CLIP4: variants seen among roughly 807,000 people sequenced by gnomAD.
CLIP4 encodes the protein CAP-Gly domain-containing linker protein 4.
In CLIP4, 47 loss-of-function variants were observed where a neutral mutation model predicts 73.1. That is an observed-to-expected ratio of 0.64 (90% CI 0.51 to 0.82). The LOEUF is 0.82. CLIP4 is among the 40% of genes least tolerant of loss of function. CLIP4 has a pLI of 0.00. For missense variants in CLIP4, 874 were observed against 852.9 expected, an observed-to-expected ratio of 1.02 and a Z score of -0.31; for synonymous variants, 306 against 295.4, an observed-to-expected ratio of 1.04 and a Z score of -0.37.
intron 5 of CLIP4, 87 bp downstream of exon 5, chr2:29,133,903 T>G: frequency 8.3e-7 from 1 of 1,203,728 alleles, no homozygotes; most frequent in South Asian, 1.7e-5. Context: ...TATTTTTTCC[T>G]TCTAATCCAT....
chr2:29,114,751 A>AGC (rs1668480894), upstream of CLIP4: 2 of 152,340 alleles, frequency 1.3e-5, no homozygotes, highest in Admixed American at 6.5e-5. Flanking sequence ...ACAGAAGTAC[A>AGC]GCCTCTATGA....
chr2:29,159,093 T>G (rs1350043967), intron 11 of CLIP4, among the ~76,000 whole-genome samples: 13 of 152,230 alleles, frequency 8.5e-5, no homozygotes, highest in Non-Finnish European at 1.9e-4. Flanking sequence ...AGTTTGTATC[T>G]TATTTTTCAG....
intron 13 of CLIP4, among the ~76,000 whole-genome samples, chr2:29,166,254 G>A (rs985058671): frequency 6.6e-6 from 1 of 152,040 alleles, no homozygotes; most frequent in Admixed American, 6.6e-5. Flanking sequence ...GTCTTAATAA[G>A]GTAGTGTCCA....
upstream of CLIP4, among the ~76,000 whole-genome samples, chr2:29,113,464 C>G (rs775567758): frequency 1.3e-5 from 2 of 152,164 alleles, no homozygotes; most frequent in African/African-American, 4.8e-5. The surrounding 1 kb of genome is among the most constrained non-coding windows in gnomAD (Gnocchi z 4.0). Context: ...TTGTATGTCA[C>G]GAGGTATTCT....
At chr2:29,165,457 C>G (rs541048067) in intron 13 of CLIP4, among the ~76,000 whole-genome samples, 1 of 152,134 alleles carries the variant, frequency 6.6e-6, no homozygotes, top group East Asian at 1.9e-4. Flanking sequence ...TGCTGTGCTC[C>G]CAGCTGGGGA....
intron 8 of CLIP4, 98 bp downstream of exon 8, chr2:29,145,465 ATGTG>A: frequency 1.0e-6 from 1 of 982,894 alleles, no homozygotes; most frequent in South Asian, 2.0e-5. Context: ...CTGATTTCTT[ATGTG>A]ATAAATGAGG....
intron 1 of CLIP4, among the ~76,000 whole-genome samples, chr2:29,119,538 T>C (rs542470688): frequency 2.6e-5 from 4 of 152,210 alleles, no homozygotes; most frequent in African/African-American, 9.6e-5. Flanking sequence ...ACCGTGATTA[T>C]AGTCAGATTA....
chr2:29,111,386 A>C (rs1004118452), upstream of CLIP4, among the ~76,000 whole-genome samples: 3 of 152,262 alleles, frequency 2.0e-5, no homozygotes, highest in Non-Finnish European at 4.4e-5. Context: ...GGCAGTGCTC[A>C]GAGTATTTGC....
intron 13 of CLIP4, 43 bp downstream of exon 13, chr2:29,163,997 A>G (rs767149243): frequency 6.5e-7 from 1 of 1,548,120 alleles, no homozygotes. Context: ...AACTTTTTGT[A>G]ATCTGCAGTG....
chr2:29,121,919 T>G (rs1421639803), intron 2 of CLIP4, among the ~76,000 whole-genome samples: 2 of 152,212 alleles, frequency 1.3e-5, no homozygotes, highest in East Asian at 3.8e-4. Flanking sequence ...GAAATGAGAT[T>G]GGTTAATGTT....
chr2:29,167,515 A>G lies in CLIP4; in HGVS notation c.1698A>G (p.Ser566=), dbSNP rs201549196. The stretch of plus-strand genomic sequence containing the variant: ...TGGATACCCTTTCAGAAATTTCTTC[A>G]AATAAACAGAACCATTCTTATCCTG... ...DSLDTLSEIS[S]NKQNHSYPGF... is the part of the protein sequence containing the mutation. Residue 566 remains serine (S), a synonymous_variant, in exon 14 of 16, where the codon TCA becomes TCG. Coordinates refer to ENST00000320081, the MANE Select transcript of CLIP4 (RefSeq NM_024692.6). 2.1e-5 allele frequency: 33 copies of G among 1,608,736 alleles called. No individual in the cohort carries two copies. In the East Asian group the frequency reaches 7.4e-4, roughly 36 times the overall value.
chr2:29,153,983 T>C (rs1666752790), intron 9 of CLIP4, among the ~76,000 whole-genome samples: 1 of 152,226 alleles, frequency 6.6e-6, no homozygotes, highest in Non-Finnish European at 1.5e-5. Context: ...ATCTGATGTT[T>C]TAGTTGAAGC....
At chr2:29,168,879 T>A (rs1369382888) in intron 14 of CLIP4, among the ~76,000 whole-genome samples, 1 of 152,186 alleles carries the variant, frequency 6.6e-6, no homozygotes, top group African/African-American at 2.4e-5. Context: ...GATATTTTCT[T>A]ATATTGTTTT....
At chr2:29,130,161 A>G in intron 2 of CLIP4, 1 of 441,188 alleles carries the variant, frequency 2.3e-6, no homozygotes, top group Non-Finnish European at 4.8e-6. Context: ...GAGAGCAGCC[A>G]GTGCTGCGGC....
intron 2 of CLIP4, 126 bp from the exon 3 acceptor site, chr2:29,131,132 A>G (rs1354695011): frequency 1.4e-5 from 13 of 944,770 alleles, no homozygotes; most frequent in Non-Finnish European, 1.8e-5. Context: ...TTATTTAGAT[A>G]CTTCTGATTT....
chr2:29,132,385 T>G, intron 4 of CLIP4, 140 bp downstream of exon 4: 1 of 680,226 alleles, frequency 1.5e-6, no homozygotes, highest in South Asian at 1.9e-5. Context: ...AGGATTCAGT[T>G]AGGTCCTTCC....
chr2:29,143,667 C>CACT, intron 6 of CLIP4, 42 bp from the exon 7 acceptor site: 1 of 1,304,840 alleles, frequency 7.7e-7, no homozygotes, highest in Non-Finnish European at 1.1e-6. Flanking sequence ...TTCTAGTGCT[C>CACT]TAAGTAAGAG....
chr2:29,132,388 G>T, intron 4 of CLIP4, 143 bp downstream of exon 4: 2 of 669,546 alleles, frequency 3.0e-6, no homozygotes, highest in Non-Finnish European at 5.2e-6. Flanking sequence ...ATTCAGTTAG[G>T]TCCTTCCAAA....
chr2:29,121,471 A>G lies in CLIP4; in HGVS notation c.83A>G (p.Asp28Gly). 1 of 1,613,778 alleles carries G rather than the reference A, an allele frequency of 6.2e-7. No homozygotes were observed. The highest frequency in any genetic ancestry group is 8.5e-7 in the Non-Finnish European group (1 of 1,179,864). Residue 28 changes from aspartate (D) to glycine (G), a missense_variant, in exon 2 of 16, where the codon GAT becomes GGT. By Grantham distance (94) the Asp-to-Gly change is moderately conservative (BLOSUM62 -1). Coordinates refer to ENST00000320081, the MANE Select transcript of CLIP4 (RefSeq NM_024692.6). The stretch of plus-strand genomic sequence containing the variant: ...TACCCATTTATATTTTCTGCTTCTG[A>G]TACCCCAGTTATCTTTTCCATTTCT... ...GRYPFIFSAS[D>G]TPVIFSISAA...
Sources: allele counts gnomAD v4.1 joint callset (sites outside exome capture counted in the v4.1 genomes callset), GRCh38; gene constraint gnomAD v4.1.1; non-coding constraint Gnocchi (gnomAD v3.1); transcripts MANE v1.5; gene names NCBI Gene and HGNC (gene_info 2026-07-23, HGNC 2026-07-21).